The following SPMIP2 variants were observed in gnomAD, a reference collection of about 807,000 sequenced individuals.
SPMIP2 encodes the protein sperm microtubule inner protein 2.
chr4:158,980,251 G>A, the SPMIP2 span, among the ~76,000 whole-genome samples: 138 of 152,276 alleles, frequency 9.1e-4, no homozygotes, highest in African/African-American at 3.2e-3. Flanking sequence ...CAGAGCATAT[G>A]GGGGAAGGGG....
At chr4:158,916,640 T>TATGC in the SPMIP2 span, among the ~76,000 whole-genome samples, 1 of 151,846 alleles carries the variant, frequency 6.6e-6, no homozygotes, top group Non-Finnish European at 1.5e-5. Context: ...TGTATGTATG[T>TATGC]ATGTATGTAT....
the SPMIP2 span, among the ~76,000 whole-genome samples, chr4:158,901,928 G>C: frequency 9.9e-5 from 15 of 151,908 alleles, no homozygotes; most frequent in Non-Finnish European, 2.1e-4. Context: ...CATTGGGTTA[G>C]AACATGCTTC....
chr4:158,990,428 G>A, the SPMIP2 span, among the ~76,000 whole-genome samples: 16 of 152,210 alleles, frequency 1.1e-4, no homozygotes, highest in East Asian at 9.6e-4. Context: ...ACATGCACAC[G>A]TATGGTTATT....
At chr4:159,075,586 T>TAA in the SPMIP2 span, among the ~76,000 whole-genome samples, 1 of 152,174 alleles carries the variant, frequency 6.6e-6, no homozygotes, top group African/African-American at 2.4e-5. Flanking sequence ...ATTTGAATCC[T>TAA]GTGTGATAAT....
the SPMIP2 span, among the ~76,000 whole-genome samples, chr4:158,992,958 G>C: frequency 6.6e-6 from 1 of 152,194 alleles, no homozygotes; most frequent in Non-Finnish European, 1.5e-5. Context: ...AGCACAAGCT[G>C]AGTCAAAAGC....
the SPMIP2 span, among the ~76,000 whole-genome samples, chr4:158,960,768 C>T: frequency 3.9e-5 from 6 of 152,112 alleles, no homozygotes; most frequent in East Asian, 9.6e-4. Flanking sequence ...TAGGAAAGAG[C>T]TGGATTATAG....
chr4:159,062,855 ATTT>A, the SPMIP2 span, among the ~76,000 whole-genome samples: 1 of 137,732 alleles, frequency 7.3e-6, no homozygotes, highest in Admixed American at 7.4e-5. Context: ...GGCCTGGCTA[ATTT>A]TTTTTTTTTT....
chr4:158,967,276 G>T, the SPMIP2 span, among the ~76,000 whole-genome samples: 3 of 152,136 alleles, frequency 2.0e-5, no homozygotes, highest in Admixed American at 2.0e-4. Flanking sequence ...TCAAGAAAAA[G>T]GAGGGTGATT....
chr4:158,960,666 C>G, the SPMIP2 span, among the ~76,000 whole-genome samples: 66 of 152,220 alleles, frequency 4.3e-4, no homozygotes, highest in Non-Finnish European at 8.8e-4. Flanking sequence ...AATAAGCGAG[C>G]ATTCTAAACT....
chr4:158,953,823 G>T, the SPMIP2 span, among the ~76,000 whole-genome samples: 1 of 152,170 alleles, frequency 6.6e-6, no homozygotes, highest in Admixed American at 6.5e-5. Flanking sequence ...TTTATAATTT[G>T]ACCGCTCCAC....
the SPMIP2 span, among the ~76,000 whole-genome samples, chr4:158,926,133 ATCATT>A: frequency 6.6e-6 from 1 of 152,202 alleles, no homozygotes; most frequent in African/African-American, 2.4e-5. Context: ...TGTCAATTAT[ATCATT>A]TAAGAATCAA....
the SPMIP2 span, chr4:158,893,449 T>G: frequency 4.5e-6 from 2 of 445,984 alleles, no homozygotes; most frequent in African/African-American, 3.9e-5. Context: ...TTATAAGCAC[T>G]CAGTAAACAG....
the SPMIP2 span, among the ~76,000 whole-genome samples, chr4:159,052,071 T>C: frequency 2.6e-5 from 4 of 152,030 alleles, no homozygotes; most frequent in Admixed American, 1.3e-4. Flanking sequence ...ATTTGCAAGA[T>C]TCCCCCCAGA....
the SPMIP2 span, among the ~76,000 whole-genome samples, chr4:158,984,298 G>C: frequency 8.6e-6 from 1 of 116,388 alleles, no homozygotes; most frequent in Admixed American, 9.7e-5. Flanking sequence ...GACATCTACA[G>C]AACTCTCCAC....
At chr4:159,006,870 A>C in the SPMIP2 span, among the ~76,000 whole-genome samples, 1 of 152,220 alleles carries the variant, frequency 6.6e-6, no homozygotes, top group Non-Finnish European at 1.5e-5. Flanking sequence ...TTCACCCACC[A>C]CAAACGAGGG....
chr4:158,915,182 T>TGGTAGCTTC, the SPMIP2 span: 1 of 1,611,768 alleles, frequency 6.2e-7, no homozygotes, highest in Non-Finnish European at 8.5e-7. Flanking sequence ...TTTCCTTTTT[T>TGGTAGCTTC]GGTAGCTTCG....
chr4:158,981,111 T>A, the SPMIP2 span, among the ~76,000 whole-genome samples: 1 of 152,024 alleles, frequency 6.6e-6, no homozygotes. Context: ...TATCAGAGAT[T>A]GAAGATCAAC....
At chr4:159,024,272 CA>C in the SPMIP2 span, among the ~76,000 whole-genome samples, 147 of 152,322 alleles carry the variant, frequency 9.7e-4, no homozygotes, top group Non-Finnish European at 1.7e-3. Context: ...CTATCCACTG[CA>C]GACTTTTCCC....
At chr4:159,037,661 C>T in the SPMIP2 span, among the ~76,000 whole-genome samples, 1 of 151,692 alleles carries the variant, frequency 6.6e-6, no homozygotes, top group Non-Finnish European at 1.5e-5. Context: ...GTCCCAGCTA[C>T]TCGGGAGGCT....
Sources: gnomAD v4.1 joint callset for allele counts (sites outside exome capture counted in the v4.1 genomes callset) on GRCh38, gnomAD v4.1.1 for gene constraint, MANE v1.5 for transcripts, NCBI Gene and HGNC (gene_info 2026-07-23, HGNC 2026-07-21) for gene names.